RASSF8: variants seen among roughly 807,000 people sequenced by gnomAD.
The protein encoded by RASSF8 is Ras association domain family member 8.
In RASSF8, 22 loss-of-function variants were observed where a neutral mutation model predicts 48.5. The ratio of observed to expected loss-of-function variants is 0.45; its 90% CI spans 0.32 to 0.65. The LOEUF is 0.65. Among genes scored for constraint, RASSF8 ranks in the 30% least tolerant of loss-of-function variants. The pLI is 0.03. For missense variants in RASSF8, 418 were observed against 489.2 expected, an observed-to-expected ratio of 0.85 and a Z score of 1.37; for synonymous variants, 127 against 171.5, an observed-to-expected ratio of 0.74 and a Z score of 2.03.
Position 26,069,799 on chromosome 12 carries a change from G to A in RASSF8, c.*981G>A, listed in dbSNP as rs11048399. 0.046 allele frequency: 45,158 copies of A among 984,938 alleles called. 1,264 individuals carry two copies. The highest frequency in any genetic ancestry group is 0.13 in the African/African-American group (7,430 of 57,310). The allele number at this position is 984,938 out of a possible 1,614,324, so 61.0% of individuals were successfully genotyped here. A position where few individuals can be genotyped will look rare whatever the true frequency, so the allele number is the denominator to read the frequency against. ...TGTTGGTGTACACACCATGGGTAAG[G>A]TATTGCTTGCACATAATTTGCTCTG... On this transcript the variant is annotated 3_prime_UTR_variant, in exon 6 of 6. Transcript: ENST00000689635.
intron 1 of RASSF8, among the ~76,000 whole-genome samples, chr12:25,980,881 C>T (rs1242909266): frequency 6.6e-6 from 1 of 152,024 alleles, no homozygotes; most frequent in Non-Finnish European, 1.5e-5. Flanking sequence ...GTATATCATC[C>T]TGTCTCCTTT....
chr12:26,025,454 CGGCAGGCTGA>C (rs1942887496), intron 2 of RASSF8, among the ~76,000 whole-genome samples: 1 of 151,130 alleles, frequency 6.6e-6, no homozygotes, highest in African/African-American at 2.4e-5. Context: ...GTACTCGGGA[CGGCAGGCTGA>C]GGCAGGAGAA....
intron 2 of RASSF8, among the ~76,000 whole-genome samples, chr12:26,035,887 T>C (rs999060367): frequency 2.1e-5 from 3 of 145,872 alleles, no homozygotes; most frequent in African/African-American, 7.5e-5. Flanking sequence ...ATATATTATA[T>C]ATAATTATAA....
At chr12:25,982,142 A>G (rs1941759885) in intron 1 of RASSF8, among the ~76,000 whole-genome samples, 1 of 152,188 alleles carries the variant, frequency 6.6e-6, no homozygotes, top group African/African-American at 2.4e-5. Context: ...CATCTTTTTC[A>G]ACTTAGAATA....
intron 1 of RASSF8, among the ~76,000 whole-genome samples, chr12:25,984,990 A>T (rs1212867398): frequency 1.3e-5 from 2 of 152,150 alleles, no homozygotes; most frequent in African/African-American, 4.8e-5. Flanking sequence ...GTCCAGAGGA[A>T]AGCATCCAGG....
chr12:26,001,775 T>G (rs1942264244), intron 2 of RASSF8, among the ~76,000 whole-genome samples: 1 of 152,110 alleles, frequency 6.6e-6, no homozygotes, highest in African/African-American at 2.4e-5. Flanking sequence ...TGAGGCTGTT[T>G]TACAGTTAAC....
intron 3 of RASSF8, among the ~76,000 whole-genome samples, chr12:26,063,080 G>A (rs982850391): frequency 3.3e-5 from 5 of 152,120 alleles, no homozygotes; most frequent in African/African-American, 1.2e-4. Context: ...TATTGATGCA[G>A]TAATTGCAAA....
rs528654514 is a variant in RASSF8, at chr12:26,064,727, A to C, written c.333A>C (p.Lys111Asn). ...GGCAGAGTCTGCCCCCCTTAGCTAA[A>C]CTGAGGCCTCAGATTGACAAATCAA... is the stretch of plus-strand genomic sequence containing the variant. ...LYRQSLPPLAKLRPQIDKSIK... is the reference protein window; with the variant it reads ...LYRQSLPPLANLRPQIDKSIK... Residue 111 changes from lysine (K) to asparagine (N), a missense_variant, in exon 4 of 6, where the codon AAA becomes AAC. Physicochemically the swap from Lys to Asn is moderately conservative, Grantham distance 94. Coordinates refer to ENST00000689635, the MANE Select transcript of RASSF8 (RefSeq NM_001394098.1). 33 of 1,614,032 alleles carry C rather than the reference A, an allele frequency of 2.0e-5. No homozygotes were observed. The highest frequency in any genetic ancestry group is 1.1e-5 in the Non-Finnish European group (13 of 1,180,018).
intron 2 of RASSF8, among the ~76,000 whole-genome samples, chr12:26,053,242 G>A (rs1183958719): frequency 6.6e-6 from 1 of 151,504 alleles, no homozygotes; most frequent in Non-Finnish European, 1.5e-5. Context: ...TTGGTGGCAG[G>A]GGGGCTTTAA....
At chr12:26,044,255 A>T (rs1231209466) in intron 2 of RASSF8, among the ~76,000 whole-genome samples, 3 of 152,086 alleles carry the variant, frequency 2.0e-5, no homozygotes, top group Non-Finnish European at 2.9e-5. Context: ...CCTGGCAGAG[A>T]TTCCACAAGC....
At position 26,035,708 on chromosome 12, in the gene RASSF8, G is replaced by A. The variant is rs1259425851; in HGVS notation, c.-108-19528G>A. 2.1e-5 allele frequency among the ~76,000 whole-genome samples: 3 copies of A among 142,342 alleles called. No individual in the cohort carries two copies. The East Asian group carries it at 6.1e-4, about 29-fold the overall frequency. 93.4% of individuals were successfully genotyped at this position (142,342 alleles called of 152,430 possible). On this transcript the variant is annotated intron_variant, in intron 2 of 5. Coordinates refer to ENST00000689635, the MANE Select transcript of RASSF8 (RefSeq NM_001394098.1). ...AACACTTGTTTTTTTTTAAAGAAAT[G>A]TTAACTGTGTGAAGTTCTTCCATTT...
Position 26,048,775 on chromosome 12 carries a change from C to T in RASSF8, c.-108-6461C>T, listed in dbSNP as rs541380011. Among the ~76,000 whole-genome samples the T allele has an allele frequency of 3.3e-5, 5 of 151,514 alleles. No homozygotes were observed. The East Asian group carries it at 5.9e-4, about 18-fold the overall frequency. Reference sequence around the variant, plus strand: ...TTTGTTTTGTTTTGTTTTTTTCAGACGGAGTTTCACTCTTGTCGCCCAGGC... The same window carrying T: ...TTTGTTTTGTTTTGTTTTTTTCAGATGGAGTTTCACTCTTGTCGCCCAGGC... On this transcript the variant is annotated intron_variant, in intron 2 of 5. Coordinates refer to ENST00000689635, the MANE Select transcript of RASSF8 (RefSeq NM_001394098.1).
Position 26,011,561 on chromosome 12 carries a change from C to T in RASSF8, c.-109+16431C>T, listed in dbSNP as rs190386460. On this transcript the variant is annotated intron_variant, in intron 2 of 5. Transcript: ENST00000689635. ...GTTTGTGTATCTCCCCCATTCCCCC[C>T]GAATTCAAATGTTGAAACCTAATCA... 3.0e-3 allele frequency among the ~76,000 whole-genome samples: 464 copies of T among 152,226 alleles called. 3 individuals carry two copies. The highest frequency in any genetic ancestry group is 0.011 in the African/African-American group (445 of 41,538).
Position 26,071,091 on chromosome 12 carries a change from G to A in RASSF8, c.*2273G>A, listed in dbSNP as rs1943990226. Reference sequence around the variant, plus strand: ...TCCTAGGCGACGAAAGTATAGAAATGTGAATATGTTGAATACATTGAGAAG... The same window carrying A: ...TCCTAGGCGACGAAAGTATAGAAATATGAATATGTTGAATACATTGAGAAG... On this transcript the variant is annotated 3_prime_UTR_variant, in exon 6 of 6. Transcript: ENST00000689635. 1 of 975,440 alleles carries A rather than the reference G, an allele frequency of 1.0e-6. No individual in the cohort carries two copies. 60.4% of individuals were successfully genotyped at this position (975,440 alleles called of 1,614,324 possible).
At chr12:26,073,558 G>A (rs1019897900), downstream of RASSF8, among the ~76,000 whole-genome samples, 12 of 151,998 alleles carry the variant, frequency 7.9e-5, no homozygotes, top group African/African-American at 2.7e-4. Context: ...CCAACGTGGC[G>A]AAACCCCGTC....
At chr12:25,999,524 G>A (rs1942206781) in intron 2 of RASSF8, among the ~76,000 whole-genome samples, 1 of 152,084 alleles carries the variant, frequency 6.6e-6, no homozygotes, top group South Asian at 2.1e-4. Flanking sequence ...GAGGCAGGAG[G>A]ATCACTTGAG....
At chr12:26,051,979 C>G (rs548218957) in intron 2 of RASSF8, among the ~76,000 whole-genome samples, 2 of 152,248 alleles carry the variant, frequency 1.3e-5, no homozygotes, top group South Asian at 4.2e-4. Flanking sequence ...GAAATCCCAC[C>G]AACAAAACTC....
intron 1 of RASSF8, among the ~76,000 whole-genome samples, chr12:25,966,486 G>T (rs1450012799): frequency 6.6e-6 from 1 of 152,154 alleles, no homozygotes; most frequent in East Asian, 1.9e-4. Context: ...GAGATCACAG[G>T]CATGAGCCAT....
chr12:26,078,988 C>T, intron 5 of RASSF8: 1 of 1,519,324 alleles, frequency 6.6e-7, no homozygotes, highest in Non-Finnish European at 8.8e-7. Flanking sequence ...AATTCACCAA[C>T]CTTAACTCTT....
Sources: gnomAD v4.1 joint callset for allele counts (sites outside exome capture counted in the v4.1 genomes callset) on GRCh38, gnomAD v4.1.1 for gene constraint, MANE v1.5 for transcripts, NCBI Gene and HGNC (gene_info 2026-07-23, HGNC 2026-07-21) for gene names.